SYT1: variants seen among roughly 807,000 people sequenced by gnomAD.
SYT1 encodes synaptotagmin 1.
A neutral mutation model predicts 44.8 loss-of-function variants in SYT1; 8 were observed. The ratio of observed to expected loss-of-function variants is 0.18; its 90% CI spans 0.10 to 0.32. The LOEUF (loss-of-function observed/expected upper bound fraction) is 0.32. Among genes scored for constraint, SYT1 ranks in the 10% least tolerant of loss-of-function variants. The pLI is 1.00. For synonymous variants in SYT1, 154 were observed against 188.8 expected, an observed-to-expected ratio of 0.82 and a Z score of 1.51; for missense variants, 286 against 509.3, an observed-to-expected ratio of 0.56 and a Z score of 4.22.
chr12:79,136,424 A>G (rs1383650513), intron 3 of SYT1, among the ~76,000 whole-genome samples: 1 of 152,226 alleles, frequency 6.6e-6, no homozygotes, highest in Non-Finnish European at 1.5e-5. Flanking sequence ...CATCTTCTTT[A>G]CTACCATATT....
intron 4 of SYT1, among the ~76,000 whole-genome samples, chr12:79,218,832 C>A (rs546669325): frequency 6.6e-6 from 1 of 152,212 alleles, no homozygotes; most frequent in South Asian, 2.1e-4. Flanking sequence ...CATGGGAGTG[C>A]AGATATCTGT....
At chr12:79,088,994 A>G (rs1379528468) in intron 3 of SYT1, among the ~76,000 whole-genome samples, 1 of 152,072 alleles carries the variant, frequency 6.6e-6, no homozygotes, top group Non-Finnish European at 1.5e-5. Context: ...GAAAATTTCC[A>G]TTTTAGACAT....
intron 8 of SYT1, among the ~76,000 whole-genome samples, chr12:79,338,175 C>A (rs552096647): frequency 1.4e-4 from 21 of 152,200 alleles, no homozygotes; most frequent in African/African-American, 4.8e-4. Context: ...CTATGGGGCT[C>A]ACCTACCATC....
At chr12:79,036,150 A>C (rs1565773924) in intron 2 of SYT1, among the ~76,000 whole-genome samples, 1 of 151,808 alleles carries the variant, frequency 6.6e-6, no homozygotes, top group African/African-American at 2.4e-5. Flanking sequence ...ATTACAGGGA[A>C]GCACAAATAT....
chr12:79,185,193 A>C (rs969900564), intron 3 of SYT1, among the ~76,000 whole-genome samples: 2 of 152,108 alleles, frequency 1.3e-5, no homozygotes, highest in Non-Finnish European at 1.5e-5. Flanking sequence ...GAAGTCAATC[A>C]TCAGTGCTTA....
Position 79,118,411 on chromosome 12 carries a change from A to C in SYT1, c.-18+71049A>C, listed in dbSNP as rs186697129. Among the ~76,000 whole-genome samples the C allele has an allele frequency of 3.1e-3, 479 of 152,318 alleles. 3 individuals carry two copies. The highest frequency in any genetic ancestry group is 5.9e-3 in the Admixed American group (90 of 15,300). On this transcript the variant is annotated intron_variant, in intron 3 of 10. Coordinates refer to ENST00000261205, the MANE Select transcript of SYT1 (RefSeq NM_005639.3). The stretch of plus-strand genomic sequence containing the variant: ...GTGTAACATTAAGAACAAATTTTTC[A>C]TGTAATTTGGATAGATAAGTCATTT...
intron 1 of SYT1, among the ~76,000 whole-genome samples, chr12:78,904,618 C>T (rs1454110093): frequency 6.6e-6 from 1 of 151,992 alleles, no homozygotes; most frequent in African/African-American, 2.4e-5. Context: ...AAAAGTGCTG[C>T]AAGATAATGT....
intron 1 of SYT1, 199 bp from the exon 2 acceptor site, chr12:78,977,600 A>C (rs1453694700): frequency 6.6e-6 from 1 of 152,228 alleles, no homozygotes; most frequent in Non-Finnish European, 1.5e-5. Flanking sequence ...AAATGTCAGC[A>C]TGATTCATAC....
intron 1 of SYT1, among the ~76,000 whole-genome samples, chr12:78,871,793 G>C (rs1016924716): frequency 6.6e-6 from 1 of 151,922 alleles, no homozygotes; most frequent in East Asian, 1.9e-4. Context: ...CTAATCCCTA[G>C]CATTTTCATC....
intron 3 of SYT1, among the ~76,000 whole-genome samples, chr12:79,100,196 A>G (rs1565806435): frequency 1.3e-5 from 2 of 152,132 alleles, no homozygotes; most frequent in Non-Finnish European, 2.9e-5. Context: ...ACTCACAGCA[A>G]CTGTACGAAG....
chr12:79,125,617 CAAAAAAAA>C (rs5799411), intron 3 of SYT1, among the ~76,000 whole-genome samples: 1 of 92,760 alleles, frequency 1.1e-5, no homozygotes, highest in African/African-American at 4.2e-5. Context: ...AAGCCCCTGT[CAAAAAAAA>C]AAAGAAAAAA....
chr12:79,233,955 T>G (rs1876023622), intron 4 of SYT1, among the ~76,000 whole-genome samples: 2 of 152,202 alleles, frequency 1.3e-5, no homozygotes, highest in African/African-American at 4.8e-5. Flanking sequence ...ATTACTTGAT[T>G]TGGCCATTCC....
chr12:78,988,496 C>T (rs979677080), intron 2 of SYT1, among the ~76,000 whole-genome samples: 18 of 150,902 alleles, frequency 1.2e-4, no homozygotes, highest in African/African-American at 3.2e-4. Flanking sequence ...CATGTACATA[C>T]GGTGAAATTT....
intron 3 of SYT1, among the ~76,000 whole-genome samples, chr12:79,179,155 G>T (rs1470907341): frequency 2.6e-5 from 2 of 76,446 alleles, no homozygotes; most frequent in African/African-American, 4.6e-5. Context: ...TAGATATATA[G>T]ATATATAGAT....
At chr12:79,014,686 TTTGACCCAGCCATCCTA>T (rs1364111255) in intron 2 of SYT1, among the ~76,000 whole-genome samples, 7 of 152,138 alleles carry the variant, frequency 4.6e-5, no homozygotes, top group African/African-American at 1.4e-4. Flanking sequence ...AGAAATACCA[TTTGACCCAGCCATCCTA>T]TTACTGGGTA....
At chr12:79,239,032 A>G (rs1233594079) in intron 4 of SYT1, among the ~76,000 whole-genome samples, 1 of 152,216 alleles carries the variant, frequency 6.6e-6, no homozygotes, top group Non-Finnish European at 1.5e-5. Context: ...AAATTATCCT[A>G]TATTCTGTGG....
intron 1 of SYT1, among the ~76,000 whole-genome samples, chr12:78,962,962 G>T (rs986608593): frequency 6.6e-6 from 1 of 151,912 alleles, no homozygotes; most frequent in Non-Finnish European, 1.5e-5. Flanking sequence ...CAACTCCCCA[G>T]TTCCCCTTGC....
intron 9 of SYT1, among the ~76,000 whole-genome samples, chr12:79,407,783 G>T (rs1233233632): frequency 6.6e-6 from 1 of 152,072 alleles, no homozygotes; most frequent in East Asian, 1.9e-4. Flanking sequence ...TCCAAGCAAA[G>T]AACATTATAG....
intron 1 of SYT1, among the ~76,000 whole-genome samples, chr12:78,896,535 C>T (rs994419263): frequency 6.6e-6 from 1 of 151,696 alleles, no homozygotes; most frequent in African/African-American, 2.4e-5. Context: ...AGAGAACAAA[C>T]ATATTCTGAA....
Sources: allele counts gnomAD v4.1 joint callset (sites outside exome capture counted in the v4.1 genomes callset), GRCh38; gene constraint gnomAD v4.1.1; transcripts MANE v1.5; gene names NCBI Gene and HGNC (gene_info 2026-07-23, HGNC 2026-07-21).